DYNC2I1: variants seen among roughly 807,000 people sequenced by gnomAD.
DYNC2I1 encodes the protein cytoplasmic dynein 2 intermediate chain 1.
In DYNC2I1, 89 loss-of-function variants were observed where a neutral mutation model predicts 133.4. The ratio of observed to expected loss-of-function variants is 0.67; its 90% CI spans 0.56 to 0.80. The LOEUF is 0.80. Among genes scored for constraint, DYNC2I1 ranks in the 30% least tolerant of loss-of-function variants. The probability of loss-of-function intolerance (pLI) is 0.00; values close to 1 mark genes in which losing one functional copy is unlikely to be tolerated. For synonymous variants in DYNC2I1, 504 were observed against 484.3 expected (o/e 1.04, Z -0.54); for missense variants, 1,291 against 1,314.5 (o/e 0.98, Z 0.28).
the DYNC2I1 span, among the ~76,000 whole-genome samples, chr7:158,841,648 G>A: frequency 3.3e-5 from 5 of 152,146 alleles, no homozygotes; most frequent in African/African-American, 9.7e-5. Context: ...TAACTGATTG[G>A]GAAATGAGCT....
chr7:158,875,632 C>T (rs548057859), intron 3 of DYNC2I1, among the ~76,000 whole-genome samples: 1 of 152,256 alleles, frequency 6.6e-6, no homozygotes, highest in South Asian at 2.1e-4. Flanking sequence ...GGTGCTTCAG[C>T]CTCCCCAGCC....
At chr7:158,860,603 CTTG>C (rs1381834657) in intron 1 of DYNC2I1, among the ~76,000 whole-genome samples, 1 of 152,090 alleles carries the variant, frequency 6.6e-6, no homozygotes, top group African/African-American at 2.4e-5. Flanking sequence ...TTTAATTTAT[CTTG>C]TTTACAATGT....
At chr7:158,918,981 A>C in intron 15 of DYNC2I1, 112 bp downstream of exon 15, 1 of 1,186,968 alleles carries the variant, frequency 8.4e-7, no homozygotes, top group Non-Finnish European at 1.1e-6. Context: ...TAATGTACAT[A>C]AAACTGAGAA....
At chr7:158,866,527 G>A (rs1842421358) in intron 1 of DYNC2I1, among the ~76,000 whole-genome samples, 1 of 151,962 alleles carries the variant, frequency 6.6e-6, no homozygotes, top group Admixed American at 6.6e-5. Flanking sequence ...TCGTGTCCTG[G>A]GTTCCATTCA....
chr7:158,892,938 CA>C (rs35161914), intron 8 of DYNC2I1, among the ~76,000 whole-genome samples: 23,300 of 105,670 alleles, frequency 0.22, 2,530 homozygotes, highest in East Asian at 0.63. Flanking sequence ...AACTCCATCT[CA>C]AAAAAAAAAA....
At chr7:158,919,250 G>GATCT (rs1848773617) in intron 15 of DYNC2I1, among the ~76,000 whole-genome samples, 1 of 152,232 alleles carries the variant, frequency 6.6e-6, no homozygotes, top group Admixed American at 6.5e-5. Context: ...AGAGTGTTCA[G>GATCT]ATCAAAGTTG....
chr7:158,941,542 C>T (rs917143248), intron 23 of DYNC2I1, among the ~76,000 whole-genome samples: 5 of 152,142 alleles, frequency 3.3e-5, no homozygotes, highest in African/African-American at 7.2e-5. Context: ...AAAGCAAGCT[C>T]ATCCTCCAAA....
At chr7:158,891,140 A>G in intron 7 of DYNC2I1, 125 bp from the exon 8 acceptor site, 1 of 986,996 alleles carries the variant, frequency 1.0e-6, no homozygotes, top group South Asian at 1.3e-5. Context: ...TTAGTTTCGT[A>G]GTCTGTGCAC....
chr7:158,890,556 C>G (rs371025302), intron 7 of DYNC2I1, among the ~76,000 whole-genome samples: 2 of 152,076 alleles, frequency 1.3e-5, no homozygotes, highest in East Asian at 3.9e-4. Flanking sequence ...ATACTTTATA[C>G]TGTCACCAGT....
intron 8 of DYNC2I1, among the ~76,000 whole-genome samples, chr7:158,891,666 C>G (rs1335152644): frequency 6.6e-6 from 1 of 152,118 alleles, no homozygotes; most frequent in African/African-American, 2.4e-5. Flanking sequence ...GGTGAATGAA[C>G]AGACAGCCTT....
intron 4 of DYNC2I1, among the ~76,000 whole-genome samples, chr7:158,951,460 G>T (rs938399422): frequency 6.6e-6 from 1 of 152,230 alleles, no homozygotes; most frequent in African/African-American, 2.4e-5. Context: ...CCCCAGCCAG[G>T]CCTGGAGGTG....
rs753716236 is a variant in DYNC2I1 at position 158,902,432 on chromosome 7, A to C, written c.1194A>C (p.Glu398Asp). The change falls in exon 10 of 25, where the codon GAA (glutamate) becomes GAC (aspartate). Residue 398 changes from glutamate to aspartate, a missense_variant. Coordinates refer to ENST00000407559, the MANE Select transcript of DYNC2I1 (RefSeq NM_018051.5). The part of the protein sequence containing the change: ...CDGDDDESSN[E>D]PESREKLEEL... ...GTGATGATGATGAAAGCAGTAATGA[A>C]CCTGAGTCAAGAGAAAAACTGGAAG... The C allele has an allele frequency of 1.2e-6, 2 of 1,613,890 alleles. No individual in the cohort carries two copies. Among genetic ancestry groups the C allele is most frequent in the African/African-American group, 2.7e-5 (2 of 75,042 alleles).
At chr7:158,877,333 A>G (rs954946641) in intron 4 of DYNC2I1, among the ~76,000 whole-genome samples, 15 of 152,000 alleles carry the variant, frequency 9.9e-5, no homozygotes, top group African/African-American at 3.6e-4. Flanking sequence ...GGTGCTCTCC[A>G]GGCACCTGCG....
At chr7:158,883,277 G>GCC (rs1844236142) in intron 5 of DYNC2I1, among the ~76,000 whole-genome samples, 1 of 150,766 alleles carries the variant, frequency 6.6e-6, no homozygotes. Context: ...GAGAGCAGTG[G>GCC]TGTGATCTTG....
chr7:158,909,676 G>T (rs895282909), intron 11 of DYNC2I1, among the ~76,000 whole-genome samples: 1 of 152,136 alleles, frequency 6.6e-6, no homozygotes, highest in Non-Finnish European at 1.5e-5. Flanking sequence ...AGGCCGCTGG[G>T]CCCTGAAGAG....
At chr7:158,842,885 T>C in the DYNC2I1 span, among the ~76,000 whole-genome samples, 373 of 152,354 alleles carry the variant, frequency 2.4e-3, 2 homozygotes, top group African/African-American at 8.6e-3. Context: ...CTGTATTTTC[T>C]GTCTACAGAA....
At chr7:158,926,005 G>C (rs765281064) in intron 17 of DYNC2I1, among the ~76,000 whole-genome samples, 182 bp from the exon 18 acceptor site, 1 of 152,226 alleles carries the variant, frequency 6.6e-6, no homozygotes, top group African/African-American at 2.4e-5. Context: ...TCGTGGTCCT[G>C]TGTCAGTTGT....
the DYNC2I1 span, among the ~76,000 whole-genome samples, chr7:158,846,242 G>C: frequency 6.6e-6 from 1 of 152,114 alleles, no homozygotes; most frequent in Non-Finnish European, 1.5e-5. Flanking sequence ...CTGGGCAGCA[G>C]AGCAAAACTC....
chr7:158,929,436 G>T (rs965768575), intron 20 of DYNC2I1, among the ~76,000 whole-genome samples: 1 of 149,194 alleles, frequency 6.7e-6, no homozygotes. Context: ...GGGCCCAGTC[G>T]GAAAGGGCCT....
Sources: gnomAD v4.1 joint callset for allele counts (sites outside exome capture counted in the v4.1 genomes callset) on GRCh38, gnomAD v4.1.1 for gene constraint, MANE v1.5 for transcripts, NCBI Gene and HGNC (gene_info 2026-07-23, HGNC 2026-07-21) for gene names.